SLC24A2: variants seen among roughly 807,000 people sequenced by gnomAD.
The protein encoded by SLC24A2 is sodium/potassium/calcium exchanger 2.
SLC24A2 carries 36 observed loss-of-function variants against 62.0 expected under a neutral mutation model. The observed-to-expected ratio is 0.58, with a 90% CI of 0.44 to 0.77. The LOEUF is 0.77. Among genes scored for constraint, SLC24A2 ranks in the 30% least tolerant of loss-of-function variants. SLC24A2 has a pLI of 0.00. For missense variants in SLC24A2, 846 were observed against 817.9 expected (o/e 1.03, Z -0.42); for synonymous variants, 358 against 294.0 (o/e 1.22, Z -2.23).
the SLC24A2 span, among the ~76,000 whole-genome samples, chr9:20,102,321 T>A: frequency 1.5e-4 from 23 of 151,010 alleles, no homozygotes; most frequent in African/African-American, 5.4e-4. Context: ...TAAAAAAAAG[T>A]AAGAGATCAT....
the SLC24A2 span, among the ~76,000 whole-genome samples, chr9:19,950,213 C>T: frequency 1.3e-5 from 2 of 151,960 alleles, no homozygotes; most frequent in East Asian, 3.9e-4. Context: ...TAATATCTTC[C>T]TTATAGGGTT....
the SLC24A2 span, among the ~76,000 whole-genome samples, chr9:20,025,149 T>C: frequency 6.6e-6 from 1 of 152,206 alleles, no homozygotes; most frequent in African/African-American, 2.4e-5. Flanking sequence ...GTCTATTCTA[T>C]TCTATTTTCT....
chr9:20,296,939 C>CTGTCA, the SLC24A2 span, among the ~76,000 whole-genome samples: 2 of 152,140 alleles, frequency 1.3e-5, no homozygotes, highest in Admixed American at 1.3e-4. Context: ...ATGAAGTATG[C>CTGTCA]TGTCATTCTT....
At chr9:19,989,530 T>C in the SLC24A2 span, among the ~76,000 whole-genome samples, 1 of 152,206 alleles carries the variant, frequency 6.6e-6, no homozygotes, top group Non-Finnish European at 1.5e-5. Flanking sequence ...GTGAATTCCA[T>C]AGTGTTCTTA....
the SLC24A2 span, among the ~76,000 whole-genome samples, chr9:20,271,421 T>G: frequency 6.6e-6 from 1 of 152,320 alleles, no homozygotes; most frequent in East Asian, 1.9e-4. Flanking sequence ...GCTAGTGGGT[T>G]TTGCCAGATA....
chr9:20,232,102 A>T, the SLC24A2 span, among the ~76,000 whole-genome samples: 6 of 152,312 alleles, frequency 3.9e-5, no homozygotes, highest in African/African-American at 1.4e-4. Context: ...ATCATGGTGG[A>T]TAAGCTTTTT....
At chr9:20,279,377 A>T in the SLC24A2 span, among the ~76,000 whole-genome samples, 1 of 152,110 alleles carries the variant, frequency 6.6e-6, no homozygotes, top group Admixed American at 6.5e-5. Flanking sequence ...CTAAAAACAC[A>T]AAAATTAGCT....
chr9:20,226,360 A>G, the SLC24A2 span, among the ~76,000 whole-genome samples: 17,546 of 152,128 alleles, frequency 0.12, 2,272 homozygotes, highest in East Asian at 0.61. Flanking sequence ...ATCAGTCGGT[A>G]ATGATTTGTG....
the SLC24A2 span, among the ~76,000 whole-genome samples, chr9:19,910,635 T>C: frequency 2.3e-3 from 343 of 152,244 alleles, 6 homozygotes; most frequent in East Asian, 0.06. Flanking sequence ...TGTATGTACT[T>C]AACCCTGTAA....
intron 2 of SLC24A2, among the ~76,000 whole-genome samples, chr9:19,690,777 T>C (rs1189476901): frequency 1.3e-5 from 2 of 152,098 alleles, no homozygotes; most frequent in Admixed American, 6.6e-5. Context: ...TCCAAATCCT[T>C]TTCCCCTATA....
At chr9:20,007,807 T>C in the SLC24A2 span, among the ~76,000 whole-genome samples, 2 of 150,988 alleles carry the variant, frequency 1.3e-5, no homozygotes, top group African/African-American at 4.9e-5. Context: ...CAGCACAAGC[T>C]TGATGTGTAT....
intron 2 of SLC24A2, among the ~76,000 whole-genome samples, chr9:19,706,126 G>A (rs1421605569): frequency 6.6e-6 from 1 of 151,796 alleles, no homozygotes; most frequent in East Asian, 1.9e-4. Context: ...CCTGTATTGG[G>A]TGCATATATA....
chr9:19,997,109 G>A, the SLC24A2 span, among the ~76,000 whole-genome samples: 3 of 151,968 alleles, frequency 2.0e-5, no homozygotes, highest in East Asian at 1.9e-4. Flanking sequence ...GAATAATTAC[G>A]AGAGAGAGCA....
At chr9:19,728,591 T>G (rs1821243667) in intron 2 of SLC24A2, among the ~76,000 whole-genome samples, 1 of 152,046 alleles carries the variant, frequency 6.6e-6, no homozygotes, top group African/African-American at 2.4e-5. Context: ...TCAACTCTGG[T>G]GGGGAGAGAA....
chr9:19,824,173 G>T, the SLC24A2 span, among the ~76,000 whole-genome samples: 482 of 152,148 alleles, frequency 3.2e-3, 3 homozygotes, highest in Non-Finnish European at 3.9e-3. Flanking sequence ...TTGACAAATG[G>T]TGATCTAATT....
At chr9:20,035,690 G>A in the SLC24A2 span, among the ~76,000 whole-genome samples, 3 of 152,108 alleles carry the variant, frequency 2.0e-5, no homozygotes, top group Non-Finnish European at 4.4e-5. Flanking sequence ...AGCTCAGGAC[G>A]TCCAGGCTGC....
the SLC24A2 span, among the ~76,000 whole-genome samples, chr9:19,959,629 GTTATT>G: frequency 6.6e-6 from 1 of 152,164 alleles, no homozygotes; most frequent in Non-Finnish European, 1.5e-5. Flanking sequence ...ACCTAGTTAT[GTTATT>G]TTATCTTTTC....
chr9:19,727,926 T>C (rs1821219882), intron 2 of SLC24A2, among the ~76,000 whole-genome samples: 1 of 152,128 alleles, frequency 6.6e-6, no homozygotes, highest in South Asian at 2.1e-4. Flanking sequence ...TCCCTAAAAG[T>C]TCATTAAAGT....
chr9:19,516,115 A>T lies in SLC24A2; in HGVS notation c.*38T>A, dbSNP rs745553368. 5.6e-6 allele frequency: 9 copies of T among 1,613,246 alleles called. No individual in the cohort carries two copies. The highest frequency in any genetic ancestry group is 7.6e-6 in the Non-Finnish European group (9 of 1,179,600). Reference sequence around the variant, plus strand: ...AGCCCAGAGCCCAGAGTGTGGAGGGACCATTCATGCTGCTGGTGCAAGATA... The same window carrying T: ...AGCCCAGAGCCCAGAGTGTGGAGGGTCCATTCATGCTGCTGGTGCAAGATA... On this transcript the variant is annotated 3_prime_UTR_variant, in exon 11 of 11. Transcript: ENST00000341998.
Sources: allele counts gnomAD v4.1 joint callset (sites outside exome capture counted in the v4.1 genomes callset), GRCh38; gene constraint gnomAD v4.1.1; transcripts MANE v1.5; gene names NCBI Gene and HGNC (gene_info 2026-07-23, HGNC 2026-07-21).